SLC2A9: variants seen among roughly 807,000 people sequenced by gnomAD.
The protein encoded by SLC2A9 is solute carrier family 2, facilitated glucose transporter member 9.
SLC2A9 carries 39 observed loss-of-function variants against 50.6 expected under a neutral mutation model. The ratio of observed to expected loss-of-function variants is 0.77; its 90% CI spans 0.60 to 1.01. The LOEUF is 1.01. SLC2A9 is among the 50% of genes least tolerant of loss of function. The probability of loss-of-function intolerance (pLI) is 0.00; values close to 1 mark genes in which losing one functional copy is unlikely to be tolerated. For missense variants in SLC2A9, 686 were observed against 677.6 expected (o/e 1.01, Z -0.14); for synonymous variants, 324 against 276.9 (o/e 1.17, Z -1.69).
chr4:9,798,706 G>C (rs1720913034), downstream of SLC2A9: 1 of 151,822 alleles, frequency 6.6e-6, no homozygotes, highest in South Asian at 2.1e-4. Context: ...CCGTGTTGTA[G>C]ATGGACAAAC....
intron 6 of SLC2A9, among the ~76,000 whole-genome samples, chr4:9,925,236 A>C (rs942600787): frequency 2.0e-5 from 3 of 152,260 alleles, no homozygotes; most frequent in Non-Finnish European, 2.9e-5. Context: ...TTTTCCGAGG[A>C]TCCCCTCAGC....
At chr4:9,772,179 G>A (rs544648464) in intron 1 of SLC2A9, among the ~76,000 whole-genome samples, 8 of 152,328 alleles carry the variant, frequency 5.3e-5, no homozygotes, top group African/African-American at 1.7e-4. Context: ...CATCAGCACT[G>A]AGAGACCTGC....
chr4:9,859,055 A>G (rs1250864989), intron 10 of SLC2A9, among the ~76,000 whole-genome samples: 2 of 152,168 alleles, frequency 1.3e-5, no homozygotes, highest in East Asian at 3.9e-4. Flanking sequence ...TTGGCCACTG[A>G]CTGAAGGGTG....
chr4:9,948,022 A>G (rs1029549131), intron 5 of SLC2A9, among the ~76,000 whole-genome samples: 1 of 152,044 alleles, frequency 6.6e-6, no homozygotes, highest in African/African-American at 2.4e-5. Context: ...TACAGGATTC[A>G]TACAAATTCT....
intron 3 of SLC2A9, among the ~76,000 whole-genome samples, chr4:9,788,224 T>C (rs1719469185): frequency 6.6e-6 from 1 of 152,192 alleles, no homozygotes; most frequent in African/African-American, 2.4e-5. Context: ...AGGGTCTCAC[T>C]CTGTTGTCTA....
At chr4:10,032,407 G>A (rs1384789439) in intron 1 of SLC2A9, among the ~76,000 whole-genome samples, 7 of 152,094 alleles carry the variant, frequency 4.6e-5, no homozygotes, top group East Asian at 1.9e-4. Context: ...GTCTTGTGAC[G>A]TGGTTAGGGA....
intron 3 of SLC2A9, chr4:9,792,854 C>G (rs1387153823): frequency 6.6e-6 from 1 of 152,442 alleles, no homozygotes; most frequent in Non-Finnish European, 1.5e-5. Context: ...GGGTATATGG[C>G]TGTAGCCTAC....
intron 4 of SLC2A9, among the ~76,000 whole-genome samples, chr4:9,980,948 G>A (rs1336526945): frequency 6.6e-6 from 1 of 152,168 alleles, no homozygotes; most frequent in Non-Finnish European, 1.5e-5. Context: ...GCATTTCAGA[G>A]GACAGGACAC....
At chr4:10,036,555 A>C (rs1044252563) in intron 1 of SLC2A9, among the ~76,000 whole-genome samples, 5 of 152,108 alleles carry the variant, frequency 3.3e-5, no homozygotes, top group Non-Finnish European at 7.4e-5. Flanking sequence ...TGCTTTTTCC[A>C]GTTTCCATTC....
intron 1 of SLC2A9, among the ~76,000 whole-genome samples, chr4:10,039,526 T>C (rs538162758): frequency 6.6e-6 from 1 of 152,324 alleles, no homozygotes; most frequent in African/African-American, 2.4e-5. Context: ...ACCTCCCTCC[T>C]GCTTATGCTA....
rs748435468 is a variant in SLC2A9 at position 10,021,396 on chromosome 4, G to T, written c.34C>A (p.Leu12Met). 1.2e-6 allele frequency: 2 copies of T among 1,614,242 alleles called. No individual in the cohort carries two copies. The highest frequency in any genetic ancestry group is 1.7e-6 in the Non-Finnish European group (2 of 1,180,034). Residue 12 changes from leucine (L) to methionine (M), a missense_variant, in exon 1 of 12, where the codon CTG (leucine) becomes ATG (methionine). Physicochemically the swap from Leu to Met is conservative, Grantham distance 15. Coordinates refer to ENST00000264784, the MANE Select transcript of SLC2A9 (RefSeq NM_020041.3). ...TCATCTGTGAGGGGAACTAGGCCCA[G>T]TTCCTTGGAATTCCTATTTTGTTTC... ...ARKQNRNSKE[L>M]GLVPLTDDTS...
In SLC2A9 at chr4:9,916,133, C is replaced by T. The variant is rs553587683; in HGVS notation, c.1002+4252G>A. 5.9e-5 allele frequency among the ~76,000 whole-genome samples: 9 copies of T among 152,306 alleles called. No individual in the cohort carries two copies. In the South Asian group the frequency reaches 1.7e-3, roughly 28 times the overall value. ...GTAAGAAATCTGGGACTCTCTTAGGCACTAAGGTGACAGCAGACAACACAG... is the reference window on the plus strand; with the variant it reads ...GTAAGAAATCTGGGACTCTCTTAGGTACTAAGGTGACAGCAGACAACACAG... On this transcript the variant is annotated intron_variant, in intron 7 of 11. Coordinates refer to ENST00000264784, the MANE Select transcript of SLC2A9 (RefSeq NM_020041.3).
At chr4:9,802,672 C>T (rs1341311228) in intron 3 of SLC2A9, among the ~76,000 whole-genome samples, 1 of 150,734 alleles carries the variant, frequency 6.6e-6, no homozygotes, top group African/African-American at 2.4e-5. Flanking sequence ...AGCAATTCTG[C>T]CTCAGCCTCC....
rs1477840190 is a variant in SLC2A9, at chr4:9,826,363, T to C, written c.*34A>G. The C allele has an allele frequency of 5.0e-6, 8 of 1,601,532 alleles. No homozygotes were observed. The highest frequency in any genetic ancestry group is 6.8e-6 in the Non-Finnish European group (8 of 1,168,596). On this transcript the variant is annotated 3_prime_UTR_variant, in exon 12 of 12. Transcript: ENST00000264784. ...TCATCCATGTAGACAATCCTGTTTT[T>C]GACATAATTGTCCAACGTGGAGGAG... is the stretch of plus-strand genomic sequence containing the variant.
chr4:10,037,665 G>A (rs986391703), intron 1 of SLC2A9, among the ~76,000 whole-genome samples: 10 of 152,158 alleles, frequency 6.6e-5, no homozygotes, highest in African/African-American at 2.4e-4. Flanking sequence ...AATAAAGGCA[G>A]GGGCTGGGCA....
chr4:9,953,135 T>C lies in SLC2A9; in HGVS notation c.682-11090A>G, dbSNP rs1291642527. Among the ~76,000 whole-genome samples the C allele has an allele frequency of 2.0e-5, 3 of 152,228 alleles. No homozygotes were observed. In the East Asian group the frequency reaches 5.8e-4, roughly 29 times the overall value. ...CTAAAAGTCTTTTAGGAGGTTCGGA[T>C]CGCATCTTGGTCATTCCTGACTGGA... On this transcript the variant is annotated intron_variant, in intron 5 of 11. Coordinates refer to ENST00000264784, the MANE Select transcript of SLC2A9 (RefSeq NM_020041.3).
intron 7 of SLC2A9, among the ~76,000 whole-genome samples, chr4:9,914,465 C>A (rs112558516): frequency 1.3e-5 from 2 of 152,320 alleles, no homozygotes; most frequent in Non-Finnish European, 2.9e-5. Context: ...TCTCCCACAT[C>A]TCTCACTGGG....
At chr4:10,024,043 C>T (rs2109578040), upstream of SLC2A9, among the ~76,000 whole-genome samples, 2 of 152,340 alleles carry the variant, frequency 1.3e-5, no homozygotes, top group Admixed American at 1.3e-4. Context: ...GAAGCTCCTA[C>T]TCATTCAGGT....
intron 6 of SLC2A9, among the ~76,000 whole-genome samples, chr4:9,931,514 C>T (rs553476685): frequency 1.4e-4 from 21 of 152,108 alleles, no homozygotes; most frequent in Admixed American, 5.2e-4. Flanking sequence ...AGGCTTTGTG[C>T]GAGGTGTCTT....
Sources: gnomAD v4.1 joint callset for allele counts (sites outside exome capture counted in the v4.1 genomes callset) on GRCh38, gnomAD v4.1.1 for gene constraint, MANE v1.5 for transcripts, NCBI Gene and HGNC (gene_info 2026-07-23, HGNC 2026-07-21) for gene names.